Variants in GCDH observed in about 807,000 individuals in gnomAD.
GCDH encodes glutaryl-CoA dehydrogenase, also known as glutaryl-CoA dehydrogenase, mitochondrial.
Under a neutral mutation model 52.8 loss-of-function variants are expected in GCDH, and 31 were observed. That is an observed-to-expected ratio of 0.59 (90% CI 0.44 to 0.79). GCDH has a LOEUF of 0.79. Ranked by LOEUF, GCDH falls within the 30% of genes least tolerant of loss-of-function variation. The probability of loss-of-function intolerance (pLI) is 0.00; values close to 1 mark genes in which losing one functional copy is unlikely to be tolerated. For missense variants in GCDH, 509 were observed against 595.0 expected, an observed-to-expected ratio of 0.86 and a Z score of 1.50; for synonymous variants, 242 against 250.0, an observed-to-expected ratio of 0.97 and a Z score of 0.30.
At position 12,897,373 on chromosome 19, in the gene GCDH, A is replaced by T; in HGVS notation, c.1027A>T (p.Ile343Phe). The T allele has an allele frequency of 6.2e-7, 1 of 1,613,406 alleles. No individual in the cohort carries two copies. The highest frequency in any genetic ancestry group is 8.5e-7 in the Non-Finnish European group (1 of 1,179,940). Residue 343 changes from isoleucine (I) to phenylalanine (F), a missense_variant, in exon 10 of 12, where the codon ATT becomes TTT. Physicochemically the swap from Ile to Phe is conservative, Grantham distance 21 (BLOSUM62 0). Transcript: ENST00000222214. ...GAAGCTGGCAGACATGCTCACTGAG[A>T]TTACCCTGGGCCTTCACGCCTGCCT... ...QKKLADMLTE[I>F]TLGLHACLQL...
intron 5 of GCDH, 85 bp from the exon 6 acceptor site, chr19:12,893,398 G>A: frequency 8.3e-7 from 1 of 1,208,612 alleles, no homozygotes. Context: ...CTCCTTGTGT[G>A]TCCTTATTCA....
intron 11 of GCDH, chr19:12,898,533 TG>T (rs756174438): frequency 1.8e-3 from 272 of 153,900 alleles, no homozygotes; most frequent in Admixed American, 5.6e-3. Flanking sequence ...ATCTGGGGGG[TG>T]GGGGGATCCT....
rs184119082 is a variant in GCDH, at chr19:12,892,783, G to A, written c.334+605G>A. On this transcript the variant is annotated intron_variant, in intron 5 of 11. Coordinates refer to ENST00000222214, the MANE Select transcript of GCDH (RefSeq NM_000159.4). ...TTTTTAGTAGAGGTGGGGTTTCACC[G>A]TGTTGGCCAGGCTAGTCTCGAACTC... Among the ~76,000 whole-genome samples, 441 of 151,662 alleles carry A rather than the reference G, an allele frequency of 2.9e-3. 3 individuals carry two copies. The highest frequency in any genetic ancestry group is 0.01 in the African/African-American group (420 of 41,298).
chr19:12,892,051 C>T lies in GCDH; in HGVS notation c.272-65C>T, dbSNP rs1198433994. ...CCACCCCACCTCAAGGCCCCTCTGT[C>T]CTTGGGGCTGGGGCTTCCTGTGGCC... is the stretch of plus-strand genomic sequence containing the variant. On this transcript the variant is annotated intron_variant, in intron 4 of 11. Coordinates refer to ENST00000222214, the MANE Select transcript of GCDH (RefSeq NM_000159.4). The T allele has an allele frequency of 1.9e-6, 3 of 1,612,886 alleles. No individual in the cohort carries two copies. In the Admixed American group the frequency reaches 5.0e-5, roughly 27 times the overall value.
In GCDH at chr19:12,896,402, C is replaced by T. The variant is rs755054282; in HGVS notation, c.833C>T (p.Pro278Leu). The T allele has an allele frequency of 3.1e-6, 5 of 1,613,484 alleles. No homozygotes were observed. In the Admixed American group the frequency reaches 6.7e-5, roughly 22 times the overall value. Residue 278 changes from proline (P) to leucine (L), a missense_variant, in exon 8 of 12, where the codon CCT (proline) becomes CTT (leucine). Physicochemically the swap from Pro to Leu is moderately conservative, Grantham distance 98. Coordinates refer to ENST00000222214, the MANE Select transcript of GCDH (RefSeq NM_000159.4). This position sits in a 1 kb window ranked among gnomAD's most constrained non-coding sequence, Gnocchi z 5.5. ...GVEVPEENVLPGASSLGGPFG... is the reference protein window; with the variant it reads ...GVEVPEENVLLGASSLGGPFG... ...GAGGTGCCAGAGGAGAATGTGCTCC[C>T]TGGTGCATCCAGCCTGGGGGTAAGT...
intron 1 of GCDH, 30 bp downstream of exon 1, chr19:12,891,232 G>T (rs1302853000): frequency 7.9e-7 from 1 of 1,268,874 alleles, no homozygotes; most frequent in Non-Finnish European, 1.1e-6. Context: ...CCCAGCCGTG[G>T]GTGAGAGGAG....
intron 11 of GCDH, 73 bp from the exon 12 acceptor site, chr19:12,899,395 C>G: frequency 6.2e-7 from 1 of 1,614,074 alleles, no homozygotes; most frequent in Non-Finnish European, 8.5e-7. Context: ...CCTGGGGATA[C>G]ATGAAAATTG....
Position 12,896,041 on chromosome 19 carries a change from A to C in GCDH, c.555A>C (p.Gly185=). ...GCFGLTEPNS[G]SDPSSMETRA... is the part of the protein sequence containing the mutation. The stretch of plus-strand genomic sequence containing the variant: ...TCGGGCTCACAGAGCCCAACAGCGG[A>C]AGTGACCCCAGCAGCATGGAGACCA... Residue 185 remains glycine (G), a synonymous_variant, in exon 7 of 12, where the codon GGA becomes GGC. Transcript: ENST00000222214. This position sits in a 1 kb window ranked among gnomAD's most constrained non-coding sequence, Gnocchi z 5.5. The C allele has an allele frequency of 1.9e-6, 3 of 1,614,074 alleles. No homozygotes were observed. Among genetic ancestry groups the C allele is most frequent in the Non-Finnish European group, 1.7e-6 (2 of 1,180,002 alleles).
intron 6 of GCDH, chr19:12,895,000 C>A: frequency 7.7e-6 from 2 of 258,130 alleles, no homozygotes; most frequent in East Asian, 8.9e-5. Context: ...TGTGATCCTC[C>A]CAGCCAGACT....
At chr19:12,891,747 G>A (rs1379131395) in intron 3 of GCDH, 84 bp from the exon 4 acceptor site, 5 of 1,607,464 alleles carry the variant, frequency 3.1e-6, no homozygotes, top group East Asian at 2.2e-5. Flanking sequence ...CGACATGGGT[G>A]TTGGGGGGTA....
Position 12,896,511 on chromosome 19 carries a change from G to A in GCDH, c.852+90G>A, listed in dbSNP as rs2145951935. The A allele has an allele frequency of 2.0e-6, 2 of 989,962 alleles. No homozygotes were observed. Among genetic ancestry groups the A allele is most frequent in the Non-Finnish European group, 3.1e-6 (2 of 644,598 alleles). The allele number at this position is 989,962 out of a possible 1,614,324, so 61.3% of individuals were successfully genotyped here. ...CTCCGTGCTGGGGACGCGGCTCCCT[G>A]TGCCTGTGGAGCCCACACAGTGGTG... On this transcript the variant is annotated intron_variant, in intron 8 of 11. Coordinates refer to ENST00000222214, the MANE Select transcript of GCDH (RefSeq NM_000159.4). The surrounding 1 kb of genome is among the most constrained non-coding windows in gnomAD (Gnocchi z 5.5).
chr19:12,891,743 G>T, intron 3 of GCDH, 88 bp from the exon 4 acceptor site: 1 of 1,608,254 alleles, frequency 6.2e-7, no homozygotes, highest in Non-Finnish European at 8.5e-7. Context: ...GGGGCGACAT[G>T]GGTGTTGGGG....
In GCDH at chr19:12,892,313, A is replaced by ACCCC. The variant is rs748323950; in HGVS notation, c.334+136_334+137insCCCC. 4.2e-4 allele frequency: 342 copies of ACCCC among 816,152 alleles called. No homozygotes were observed. In the African/African-American group the frequency reaches 5.8e-3, roughly 14 times the overall value. The allele number at this position is 816,152 out of a possible 1,614,324, so 50.6% of individuals were successfully genotyped here. A position where few individuals can be genotyped will look rare whatever the true frequency, so the allele number is the denominator to read the frequency against. On this transcript the variant is annotated intron_variant, in intron 5 of 11. Transcript: ENST00000222214. ...TTCTTTCCTTTCTTCTTCCCCCCCA[A>ACCCC]CAGAGTCTGGCTCTGTTGCCCAGGC...
chr19:12,894,540 G>GT (rs1410509109), intron 6 of GCDH: 1 of 669,146 alleles, frequency 1.5e-6, no homozygotes, highest in Non-Finnish European at 2.7e-6. Context: ...CTGGGGCCCA[G>GT]TACAGCTAGC....
chr19:12,898,054 A>G, intron 11 of GCDH, 191 bp downstream of exon 11: 1 of 623,174 alleles, frequency 1.6e-6, no homozygotes, highest in South Asian at 1.8e-5. Context: ...GAAGTGCTTC[A>G]TGCAGCACAC....
At chr19:12,899,322 G>C (rs761215274) in intron 11 of GCDH, 146 bp from the exon 12 acceptor site, 7 of 1,609,834 alleles carry the variant, frequency 4.3e-6, no homozygotes, top group South Asian at 2.2e-5. Flanking sequence ...TCACTAAGGC[G>C]TGAGTCTCCC....
rs145073811 is a variant in GCDH at position 12,898,639 on chromosome 19, C to T, written c.1243+776C>T. 782 of 154,710 alleles carry T rather than the reference C, an allele frequency of 5.1e-3. 9 individuals carry two copies. The highest frequency in any genetic ancestry group is 0.041 in the Middle Eastern group (12 of 296). The allele number at this position is 154,710 out of a possible 1,614,324, so 9.6% of individuals were successfully genotyped here. ...AGTCAGATTTGGTGCTTTAGGGGCTCGGCGCAGTGGCTCACACCTGTAATC... is the reference window on the plus strand; with the variant it reads ...AGTCAGATTTGGTGCTTTAGGGGCTTGGCGCAGTGGCTCACACCTGTAATC... On this transcript the variant is annotated intron_variant, in intron 11 of 11. Transcript: ENST00000222214.
intron 11 of GCDH, 128 bp from the exon 12 acceptor site, chr19:12,899,340 G>A: frequency 6.2e-7 from 1 of 1,613,764 alleles, no homozygotes; most frequent in Admixed American, 1.7e-5. Flanking sequence ...CCCGGCAGCT[G>A]TCAGCATTCA....
chr19:12,893,392 T>A, intron 5 of GCDH, 91 bp from the exon 6 acceptor site: 1 of 1,147,896 alleles, frequency 8.7e-7, no homozygotes, highest in Non-Finnish European at 1.3e-6. Context: ...GCCTGCCTCC[T>A]TGTGTGTCCT....
Sources: allele counts gnomAD v4.1 joint callset (sites outside exome capture counted in the v4.1 genomes callset), GRCh38; gene constraint gnomAD v4.1.1; non-coding constraint Gnocchi (gnomAD v3.1); transcripts MANE v1.5; gene names NCBI Gene and HGNC (gene_info 2026-07-23, HGNC 2026-07-21).